The following OSBPL1A variants were observed in gnomAD, a reference collection of about 807,000 sequenced individuals.
The protein encoded by OSBPL1A is oxysterol binding protein like 1A.
Under a neutral mutation model 137.1 loss-of-function variants are expected in OSBPL1A, and 80 were observed. The ratio of observed to expected loss-of-function variants is 0.58; its 90% confidence interval spans 0.49 to 0.70. OSBPL1A has a LOEUF of 0.70. Ranked by LOEUF, OSBPL1A falls within the 30% of genes least tolerant of loss-of-function variation. The pLI is 0.00. For missense variants in OSBPL1A, 970 were observed against 1,129.4 expected (o/e 0.86, Z 2.02); for synonymous variants, 365 against 389.7 (o/e 0.94, Z 0.75).
intron 4 of OSBPL1A, among the ~76,000 whole-genome samples, chr18:24,352,170 G>A (rs1251612143): frequency 2.0e-5 from 3 of 152,064 alleles, no homozygotes; most frequent in Non-Finnish European, 4.4e-5. Context: ...GGTGGGCATG[G>A]TGGCATGAGC....
intron 1 of OSBPL1A, among the ~76,000 whole-genome samples, chr18:24,394,683 C>T (rs1907606094): frequency 6.6e-6 from 1 of 152,112 alleles, no homozygotes; most frequent in African/African-American, 2.4e-5. Flanking sequence ...ATCTTTCAAA[C>T]TCAATTAAAC....
Position 24,186,882 on chromosome 18 carries a change from C to T in OSBPL1A, c.1678-5603G>A, listed in dbSNP as rs184947995. Among the ~76,000 whole-genome samples, 209 of 130,974 alleles carry T rather than the reference C, an allele frequency of 1.6e-3. 3 individuals carry two copies. Among genetic ancestry groups the T allele is most frequent in the African/African-American group, 6.3e-3 (201 of 31,756 alleles). The allele number at this position is 130,974 out of a possible 152,430, so 85.9% of individuals were successfully genotyped here. A position where few individuals can be genotyped will look rare whatever the true frequency, so the allele number is the denominator to read the frequency against. ...TCACGCCACTGCATTCCAGCCTGGG[C>T]GACAGAACAAGACTCTGTCTCAAAA... On this transcript the variant is annotated intron_variant, in intron 18 of 27. Coordinates refer to ENST00000319481, the MANE Select transcript of OSBPL1A (RefSeq NM_080597.4).
intron 4 of OSBPL1A, among the ~76,000 whole-genome samples, chr18:24,348,258 G>A (rs1271514276): frequency 6.6e-6 from 1 of 151,970 alleles, no homozygotes; most frequent in Non-Finnish European, 1.5e-5. Context: ...CAAATTTAAG[G>A]CCAGATTAAA....
chr18:24,180,808 C>T (rs149312368), intron 19 of OSBPL1A, among the ~76,000 whole-genome samples: 272 of 152,100 alleles, frequency 1.8e-3, no homozygotes, highest in African/African-American at 6.1e-3. Flanking sequence ...ACCTGGGAGG[C>T]GGAGCTTGCC....
At chr18:24,371,180 C>T (rs950288311) in intron 2 of OSBPL1A, among the ~76,000 whole-genome samples, 1 of 152,136 alleles carries the variant, frequency 6.6e-6, no homozygotes, top group Non-Finnish European at 1.5e-5. Flanking sequence ...CGCTAACCAA[C>T]GGTGAAGAAA....
chr18:24,227,449 A>G (rs979492739), intron 16 of OSBPL1A, among the ~76,000 whole-genome samples: 4 of 152,234 alleles, frequency 2.6e-5, no homozygotes, highest in African/African-American at 9.6e-5. Flanking sequence ...CAACTCTAAA[A>G]TACAAGTAAA....
At chr18:24,261,830 C>T (rs528646901) in intron 15 of OSBPL1A, among the ~76,000 whole-genome samples, 6 of 151,956 alleles carry the variant, frequency 3.9e-5, no homozygotes, top group Non-Finnish European at 5.9e-5. Flanking sequence ...CCAGCCTGGG[C>T]GACAGAGCAA....
At chr18:24,311,925 C>T in intron 13 of OSBPL1A, 59 bp downstream of exon 13, 1 of 1,590,030 alleles carries the variant, frequency 6.3e-7, no homozygotes, top group Non-Finnish European at 8.6e-7. Context: ...GAAAAAAGTT[C>T]TTGATTAAAC....
At chr18:24,212,757 G>A (rs1249125383) in intron 17 of OSBPL1A, among the ~76,000 whole-genome samples, 2 of 152,154 alleles carry the variant, frequency 1.3e-5, no homozygotes, top group African/African-American at 4.8e-5. Context: ...TAGTTGTAAT[G>A]TACATGAAGA....
chr18:24,262,186 C>A lies in OSBPL1A; in HGVS notation c.1281+18656G>T, dbSNP rs575999767. 2.0e-5 allele frequency among the ~76,000 whole-genome samples: 3 copies of A among 152,276 alleles called. No individual in the cohort carries two copies. The East Asian group carries it at 5.8e-4, about 29-fold the overall frequency. ...CAAATTTTGCATCAGATTGGCAATG[C>A]ATCAGATGCAAAACAATGTTTGCAA... On this transcript the variant is annotated intron_variant, in intron 15 of 27. Transcript: ENST00000319481.
chr18:24,255,655 C>T (rs2089250758), intron 15 of OSBPL1A, among the ~76,000 whole-genome samples: 1 of 152,146 alleles, frequency 6.6e-6, no homozygotes, highest in Admixed American at 6.6e-5. Flanking sequence ...CTCAAGTCTC[C>T]CTAAAATGTA....
At chr18:24,257,337 GAACT>G (rs1260305950) in intron 15 of OSBPL1A, among the ~76,000 whole-genome samples, 2 of 151,962 alleles carry the variant, frequency 1.3e-5, no homozygotes, top group Non-Finnish European at 2.9e-5. Flanking sequence ...CACTCACAGT[GAACT>G]AATTTTCAGT....
At chr18:24,320,165 A>G (rs933938762) in intron 7 of OSBPL1A, among the ~76,000 whole-genome samples, 6 of 151,864 alleles carry the variant, frequency 4.0e-5, no homozygotes, top group African/African-American at 1.5e-4. Context: ...TGTGTTGGCA[A>G]TTTTTTTGTA....
At chr18:24,336,757 A>C (rs988948341) in intron 5 of OSBPL1A, among the ~76,000 whole-genome samples, 1 of 152,204 alleles carries the variant, frequency 6.6e-6, no homozygotes, top group African/African-American at 2.4e-5. Flanking sequence ...CATGCAGAGA[A>C]TAGGCTGAAT....
At chr18:24,287,038 A>C (rs2090077168) in intron 14 of OSBPL1A, among the ~76,000 whole-genome samples, 1 of 152,236 alleles carries the variant, frequency 6.6e-6, no homozygotes, top group Non-Finnish European at 1.5e-5. Context: ...TACATTTAAA[A>C]ATTTAGAAAA....
At chr18:24,324,929 T>C (rs1216768051) in intron 7 of OSBPL1A, among the ~76,000 whole-genome samples, 1 of 150,116 alleles carries the variant, frequency 6.7e-6, no homozygotes, top group Admixed American at 6.7e-5. Context: ...CTACTAAAAA[T>C]ACAAAAATTA....
intron 1 of OSBPL1A, among the ~76,000 whole-genome samples, chr18:24,394,661 C>T (rs779103459): frequency 6.6e-6 from 1 of 152,132 alleles, no homozygotes; most frequent in African/African-American, 2.4e-5. Flanking sequence ...AATTATTTCA[C>T]ATTTGAAAAT....
At chr18:24,266,167 T>C (rs552525555) in intron 15 of OSBPL1A, among the ~76,000 whole-genome samples, 41 of 152,304 alleles carry the variant, frequency 2.7e-4, no homozygotes, top group African/African-American at 9.4e-4. Context: ...CTGAAACCCA[T>C]GCCTGGGGAC....
intron 11 of OSBPL1A, among the ~76,000 whole-genome samples, chr18:24,315,894 GATATTAT>G (rs935659570): frequency 3.2e-5 from 4 of 123,544 alleles, no homozygotes; most frequent in Admixed American, 9.8e-5. Context: ...ATATATTAAA[GATATTAT>G]ATATTATATA....
Sources: allele counts gnomAD v4.1 joint callset (sites outside exome capture counted in the v4.1 genomes callset), GRCh38; gene constraint gnomAD v4.1.1; transcripts MANE v1.5; gene names NCBI Gene and HGNC (gene_info 2026-07-23, HGNC 2026-07-21).